The following SAMD12 variants were observed in gnomAD, a reference collection of about 807,000 sequenced individuals.
SAMD12 encodes sterile alpha motif domain-containing protein 12.
Under a neutral mutation model 15.0 loss-of-function variants are expected in SAMD12, and 9 were observed. The observed-to-expected ratio is 0.60, with a 90% confidence interval of 0.36 to 1.05. The LOEUF (loss-of-function observed/expected upper bound fraction) is 1.05. Among genes scored for constraint, SAMD12 ranks in the 50% least tolerant of loss-of-function variants. The pLI is 0.01. For missense variants in SAMD12, 230 were observed against 234.2 expected (o/e 0.98, Z 0.12); for synonymous variants, 86 against 90.1 (o/e 0.96, Z 0.25).
At chr8:118,450,718 G>C (rs537661048) in intron 2 of SAMD12, among the ~76,000 whole-genome samples, 1 of 152,144 alleles carries the variant, frequency 6.6e-6, no homozygotes. Context: ...CCTCTGCCAT[G>C]AGATGGCATC....
At position 118,465,172 on chromosome 8, in the gene SAMD12, G is replaced by C. The variant is rs139632599; in HGVS notation, c.193-25211C>G. Among the ~76,000 whole-genome samples the C allele has an allele frequency of 2.2e-3, 329 of 152,258 alleles. 3 individuals are homozygous for C. Among genetic ancestry groups the C allele is most frequent in the African/African-American group, 7.5e-3 (312 of 41,526 alleles). The stretch of plus-strand genomic sequence containing the variant: ...AAATTAAATCAGAATCTCTGGGTAG[G>C]GTGGGGGAAGAGGGAAGGGAGGAGC... On this transcript the variant is annotated intron_variant, in intron 2 of 3. Transcript: ENST00000314727.
chr8:118,616,940 T>C (rs1162418620), intron 1 of SAMD12, among the ~76,000 whole-genome samples: 2 of 152,324 alleles, frequency 1.3e-5, no homozygotes, highest in African/African-American at 4.8e-5. Flanking sequence ...ATCTAATGCC[T>C]GATGATCTGA....
chr8:118,534,438 G>A (rs548836093), intron 2 of SAMD12, among the ~76,000 whole-genome samples: 15 of 152,140 alleles, frequency 9.9e-5, no homozygotes, highest in South Asian at 4.2e-4. Flanking sequence ...TGCTCTTCTC[G>A]AGGAGTATCT....
At chr8:118,247,780 A>T (rs1812730583) in intron 4 of SAMD12, among the ~76,000 whole-genome samples, 1 of 152,038 alleles carries the variant, frequency 6.6e-6, no homozygotes, top group Admixed American at 6.6e-5. Flanking sequence ...TTTAGTAGAG[A>T]CAGGGTTTCA....
chr8:118,354,561 T>C (rs1455392621), intron 4 of SAMD12, among the ~76,000 whole-genome samples: 3 of 152,210 alleles, frequency 2.0e-5, no homozygotes, highest in African/African-American at 7.2e-5. Flanking sequence ...CTCTTCAGTA[T>C]GGTAGCTGGA....
At chr8:118,303,829 T>C (rs1386148313) in intron 4 of SAMD12, among the ~76,000 whole-genome samples, 2 of 152,218 alleles carry the variant, frequency 1.3e-5, no homozygotes, top group African/African-American at 4.8e-5. Flanking sequence ...AAAAGGCTGC[T>C]CTACTCATCC....
intron 1 of SAMD12, among the ~76,000 whole-genome samples, chr8:118,619,305 G>A (rs551561513): frequency 3.9e-5 from 6 of 151,990 alleles, no homozygotes; most frequent in African/African-American, 7.2e-5. Flanking sequence ...GTGAAACTCC[G>A]TCTCTACTAA....
intron 1 of SAMD12, among the ~76,000 whole-genome samples, chr8:118,607,812 G>A (rs1013867102): frequency 2.6e-5 from 4 of 152,134 alleles, no homozygotes; most frequent in Non-Finnish European, 4.4e-5. Flanking sequence ...AAATCTTCCA[G>A]CAGGAACAGT....
intron 1 of SAMD12, among the ~76,000 whole-genome samples, chr8:118,581,158 T>C (rs1344921264): frequency 1.3e-5 from 2 of 152,168 alleles, no homozygotes; most frequent in Non-Finnish European, 2.9e-5. Flanking sequence ...CAAATCCAAA[T>C]GTTACAGATG....
At chr8:118,590,904 G>A (rs1038669172) in intron 1 of SAMD12, among the ~76,000 whole-genome samples, 55 of 152,192 alleles carry the variant, frequency 3.6e-4, no homozygotes, top group African/African-American at 1.3e-3. Context: ...GAAAAAATAA[G>A]CTTTTCCAAG....
intron 1 of SAMD12, among the ~76,000 whole-genome samples, chr8:118,595,488 G>C (rs1414831317): frequency 2.6e-5 from 4 of 152,150 alleles, no homozygotes; most frequent in Admixed American, 6.5e-5. Context: ...AACACCAACT[G>C]TTATAATCTA....
At chr8:118,554,506 G>A (rs370362800) in intron 2 of SAMD12, among the ~76,000 whole-genome samples, 27 of 143,382 alleles carry the variant, frequency 1.9e-4, no homozygotes, top group Non-Finnish European at 3.5e-4. Flanking sequence ...ACACAGGAAG[G>A]GGAACATCAC....
intron 3 of SAMD12, among the ~76,000 whole-genome samples, chr8:118,418,905 T>C (rs1821856572): frequency 6.6e-6 from 1 of 152,130 alleles, no homozygotes; most frequent in African/African-American, 2.4e-5. Context: ...TTGCTAATTA[T>C]CTCAAAAAAG....
chr8:118,184,057 A>G, the SAMD12 span, among the ~76,000 whole-genome samples: 5 of 152,224 alleles, frequency 3.3e-5, no homozygotes, highest in African/African-American at 1.2e-4. Context: ...CACTCAATTA[A>G]TGGAGCTACT....
At chr8:118,603,509 A>G (rs1241658001) in intron 1 of SAMD12, among the ~76,000 whole-genome samples, 1 of 152,250 alleles carries the variant, frequency 6.6e-6, no homozygotes, top group East Asian at 1.9e-4. Flanking sequence ...CTTTCAAAAA[A>G]AAGTTTAAAG....
At chr8:118,527,661 C>A (rs1220194238) in intron 2 of SAMD12, among the ~76,000 whole-genome samples, 1 of 152,072 alleles carries the variant, frequency 6.6e-6, no homozygotes, top group African/African-American at 2.4e-5. Flanking sequence ...GAGAGTTTTG[C>A]CACTTAAGAC....
chr8:118,591,761 G>C (rs965640379), intron 1 of SAMD12, among the ~76,000 whole-genome samples: 1 of 151,942 alleles, frequency 6.6e-6, no homozygotes, highest in Non-Finnish European at 1.5e-5. Context: ...AGAAATAAAA[G>C]CAAATATCTC....
At chr8:118,498,321 G>C (rs1824685563) in intron 2 of SAMD12, among the ~76,000 whole-genome samples, 1 of 152,172 alleles carries the variant, frequency 6.6e-6, no homozygotes, top group Non-Finnish European at 1.5e-5. Flanking sequence ...AAAAAATATA[G>C]AGAAGAATGA....
At chr8:118,473,979 G>T (rs1823885017) in intron 2 of SAMD12, among the ~76,000 whole-genome samples, 1 of 152,130 alleles carries the variant, frequency 6.6e-6, no homozygotes, top group East Asian at 1.9e-4. Context: ...TGTTTTTTGA[G>T]ATGCAGTCTC....
Sources: allele counts gnomAD v4.1 joint callset (sites outside exome capture counted in the v4.1 genomes callset), GRCh38; gene constraint gnomAD v4.1.1; transcripts MANE v1.5; gene names NCBI Gene and HGNC (gene_info 2026-07-23, HGNC 2026-07-21).